The following PCNT variants were observed in gnomAD, a reference collection of about 807,000 sequenced individuals.
PCNT encodes the protein kendrin.
PCNT carries 319 observed loss-of-function variants against 380.4 expected under a neutral mutation model. That is an observed-to-expected ratio of 0.84 (90% confidence interval 0.77 to 0.92). The LOEUF (loss-of-function observed/expected upper bound fraction) is 0.92. Ranked by LOEUF, PCNT falls within the 40% of genes least tolerant of loss-of-function variation. The pLI is 0.00. For synonymous variants in PCNT, 1,845 were observed against 1,735.2 expected, an observed-to-expected ratio of 1.06 and a Z score of -1.57; for missense variants, 4,400 against 4,255.3, an observed-to-expected ratio of 1.03 and a Z score of -0.95.
chr21:46,383,299 C>A (rs141574401), intron 16 of PCNT, among the ~76,000 whole-genome samples: 2 of 141,232 alleles, frequency 1.4e-5, no homozygotes, highest in South Asian at 2.4e-4. Context: ...GCAGCGGAAG[C>A]GCATTCACGG....
In PCNT at chr21:46,442,512, TAAG is replaced by T; in HGVS notation, c.9642_9644del (p.Lys3215del). 6.2e-7 allele frequency: 1 copy of T among 1,610,776 alleles called. No individual in the cohort carries two copies. Among genetic ancestry groups the T allele is most frequent in the Non-Finnish European group, 8.5e-7 (1 of 1,177,100 alleles). Reference sequence around the variant, plus strand: ...TTTTTTGTAGATTACGTTTTTTGGTTAAGAAATGGCAAGAAGTAGATCGGAAAG... The same window carrying T: ...TTTTTTGTAGATTACGTTTTTTGGTTAAATGGCAAGAAGTAGATCGGAAAG... On this transcript the variant is annotated inframe_deletion, in exon 44 of 47. Coordinates refer to ENST00000359568, the MANE Select transcript of PCNT (RefSeq NM_006031.6).
Position 46,416,503 on chromosome 21 carries a change from C to T in PCNT, c.6585C>T (p.Ser2195=), listed in dbSNP as rs372022297. 1.1e-5 allele frequency: 18 copies of T among 1,613,786 alleles called. No homozygotes were observed. Among genetic ancestry groups the T allele is most frequent in the East Asian group, 2.2e-5 (1 of 44,888 alleles). ...ACATGTCTCTTTCTTCACCGACCAG[C>T]GTACTTGGTGGCTCCCGCCACCAGA... The part of the protein sequence containing the change: ...CQDMSLSSPT[S]VLGGSRHQSH... The change falls in exon 30 of 47, where the codon AGC becomes AGT. Residue 2195 remains serine, a synonymous_variant. Coordinates refer to ENST00000359568, the MANE Select transcript of PCNT (RefSeq NM_006031.6).
At chr21:46,419,475 C>G (rs1179243113) in intron 31 of PCNT, among the ~76,000 whole-genome samples, 2 of 152,234 alleles carry the variant, frequency 1.3e-5, no homozygotes, top group Non-Finnish European at 2.9e-5. Flanking sequence ...CCACACGCCC[C>G]TTGCTACACG....
chr21:46,331,028 TTG>T (rs201038565), intron 2 of PCNT, among the ~76,000 whole-genome samples: 2 of 151,350 alleles, frequency 1.3e-5, no homozygotes, highest in African/African-American at 2.4e-5. Context: ...GTGTGTGTGT[TTG>T]TGTGTGTGTG....
At chr21:46,353,027 A>G in intron 9 of PCNT, 77 bp from the exon 10 acceptor site, 1 of 1,200,886 alleles carries the variant, frequency 8.3e-7, no homozygotes, top group Non-Finnish European at 1.2e-6. Flanking sequence ...ACCACAGGTA[A>G]CCAGGCTCTT....
intron 7 of PCNT, among the ~76,000 whole-genome samples, 167 bp from the exon 8 acceptor site, chr21:46,349,517 G>A (rs556586432): frequency 2.0e-5 from 3 of 152,180 alleles, no homozygotes; most frequent in Non-Finnish European, 2.9e-5. Context: ...ATGGGTAGGC[G>A]ATGTCCCCTG....
intron 3 of PCNT, among the ~76,000 whole-genome samples, chr21:46,339,362 G>C (rs918890731): frequency 2.6e-5 from 4 of 152,206 alleles, no homozygotes; most frequent in African/African-American, 9.6e-5. Flanking sequence ...TTGGTGTTCT[G>C]CAGTTTTGAT....
chr21:46,339,114 C>T (rs1433696592), intron 3 of PCNT, among the ~76,000 whole-genome samples: 1 of 152,092 alleles, frequency 6.6e-6, no homozygotes, highest in African/African-American at 2.4e-5. Flanking sequence ...GATAGTTTTA[C>T]CATGTTGGCC....
At chr21:46,413,340 C>CG (rs1235607071) in intron 29 of PCNT, among the ~76,000 whole-genome samples, 1 of 37,954 alleles carries the variant, frequency 2.6e-5, no homozygotes, top group Non-Finnish European at 5.1e-5. Flanking sequence ...AGGCTGGACA[C>CG]GCGGCAGCAA....
intron 29 of PCNT, 109 bp downstream of exon 29, chr21:46,413,101 CGCG>C (rs2086852263): frequency 5.8e-6 from 3 of 521,110 alleles, no homozygotes; most frequent in Admixed American, 3.3e-5. Context: ...AGGCTGGACA[CGCG>C]GCAGCAAGGT....
intron 9 of PCNT, 119 bp from the exon 10 acceptor site, chr21:46,352,985 C>A: frequency 1.3e-6 from 1 of 793,766 alleles, no homozygotes. Flanking sequence ...CTCTCCGGTT[C>A]TGGGATGGGC....
chr21:46,386,017 G>A lies in PCNT; in HGVS notation c.3464+34G>A, dbSNP rs376732649. ...GTCCTCGGCACCGAGGCTGCCTTGT[G>A]GCCGCCAGCACCCGCTGGGTCATGC... On this transcript the variant is annotated intron_variant, in intron 17 of 46. Transcript: ENST00000359568. 22 of 1,612,366 alleles carry A rather than the reference G, an allele frequency of 1.4e-5. No individual in the cohort carries two copies. The Middle Eastern group carries it at 5.1e-4, about 37-fold the overall frequency.
chr21:46,390,743 T>G lies in PCNT; in HGVS notation c.3914T>G (p.Val1305Gly), dbSNP rs2086004251. The change falls in exon 20 of 47, where the codon GTT (valine) becomes GGT (glycine). Residue 1305 changes from valine to glycine, a missense_variant. Transcript: ENST00000359568. ...FSFKNEETAQ[V>G]VRKHQELLEC... ...TTTAAGAATGAGGAGACAGCACAGG[T>G]TGTCAGGAAGCACCAGGAGCTGCTG... The G allele has an allele frequency of 6.2e-7, 1 of 1,613,488 alleles. No homozygotes were observed. Among genetic ancestry groups the G allele is most frequent in the Non-Finnish European group, 8.5e-7 (1 of 1,179,922 alleles).
At chr21:46,351,304 G>A in intron 8 of PCNT, 125 bp from the exon 9 acceptor site, 1 of 738,084 alleles carries the variant, frequency 1.4e-6, no homozygotes, top group Admixed American at 1.9e-5. Flanking sequence ...TCTCCGAGCT[G>A]CAGGTTTGGG....
intron 35 of PCNT, 72 bp from the exon 36 acceptor site, chr21:46,429,938 C>A: frequency 2.4e-6 from 3 of 1,270,214 alleles, no homozygotes; most frequent in Non-Finnish European, 3.4e-6. Flanking sequence ...ACGAGTCTGT[C>A]TCTAACCTGG....
At position 46,399,581 on chromosome 21, in the gene PCNT, T is replaced by C; in HGVS notation, c.4585-9T>C. The C allele has an allele frequency of 6.3e-7, 1 of 1,594,666 alleles. No homozygotes were observed. Among genetic ancestry groups the C allele is most frequent in the Non-Finnish European group, 8.6e-7 (1 of 1,162,388 alleles). ...TATTGTATTCCTCAAGCATTTTTTG[T>C]TGTTTTAGGTTGAGTTGTTACAACA... On this transcript the variant is annotated splice_polypyrimidine_tract_variant and intron_variant, in intron 24 of 46. Transcript: ENST00000359568.
intron 11 of PCNT, 45 bp downstream of exon 11, chr21:46,354,113 A>C (rs745809354): frequency 6.6e-7 from 1 of 1,514,052 alleles, no homozygotes; most frequent in Non-Finnish European, 9.2e-7. Context: ...TGTGCTCTTG[A>C]CCTTCCAGCC....
At chr21:46,417,295 A>G (rs1484426414) in intron 30 of PCNT, among the ~76,000 whole-genome samples, 1 of 149,458 alleles carries the variant, frequency 6.7e-6, no homozygotes, top group Non-Finnish European at 1.5e-5. Flanking sequence ...CCCAGGTTCA[A>G]GCAAATCTCC....
In PCNT at chr21:46,388,826, C is replaced by T. The variant is rs139383288; in HGVS notation, c.3549C>T (p.Ile1183=). The T allele has an allele frequency of 3.3e-4, 531 of 1,612,642 alleles. 4 individuals carry two copies. Among genetic ancestry groups the T allele is most frequent in the Non-Finnish European group, 3.3e-4 (391 of 1,179,960 alleles). The part of the protein sequence containing the change: ...LRAAVTLRSR[I]GERVGLCLDD... ...CAGCCGTCACCCTGAGGAGCCGGAT[C>T]GGGGAGCGCGTGGGGCTCTGCCTGG... Residue 1183 remains isoleucine (I), a synonymous_variant, in exon 18 of 47, where the codon ATC becomes ATT. Transcript: ENST00000359568. The surrounding 1 kb of genome is among the most constrained non-coding windows in gnomAD (Gnocchi z 4.2).
Sources: gnomAD v4.1 joint callset for allele counts (sites outside exome capture counted in the v4.1 genomes callset) on GRCh38, gnomAD v4.1.1 for gene constraint, Gnocchi (gnomAD v3.1) non-coding constraint, MANE v1.5 for transcripts, NCBI Gene and HGNC (gene_info 2026-07-23, HGNC 2026-07-21) for gene names.